VEPH1: variants seen among roughly 807,000 people sequenced by gnomAD.
The protein encoded by VEPH1 is ventricular zone expressed PH domain containing 1.
VEPH1 carries 80 observed loss-of-function variants against 85.2 expected under a neutral mutation model. That is an observed-to-expected ratio of 0.94 (90% confidence interval 0.78 to 1.13). VEPH1 has a LOEUF of 1.13. Ranked by LOEUF, VEPH1 falls within the 50% of genes most tolerant of loss-of-function variation. The probability of loss-of-function intolerance (pLI) is 0.00; values close to 1 mark genes in which losing one functional copy is unlikely to be tolerated. For missense variants in VEPH1, 955 were observed against 980.5 expected (o/e 0.97, Z 0.35); for synonymous variants, 297 against 348.0 (o/e 0.85, Z 1.63).
intron 12 of VEPH1, among the ~76,000 whole-genome samples, chr3:157,267,821 A>G (rs1184236935): frequency 6.6e-6 from 1 of 152,190 alleles, no homozygotes; most frequent in Non-Finnish European, 1.5e-5. Flanking sequence ...ATATTGTAAG[A>G]TAGTGATAAG....
At chr3:157,332,256 C>CA (rs1722577185) in intron 9 of VEPH1, among the ~76,000 whole-genome samples, 1 of 152,054 alleles carries the variant, frequency 6.6e-6, no homozygotes, top group African/African-American at 2.4e-5. Context: ...TAAAATTTAC[C>CA]ATTTTGACCA....
intron 4 of VEPH1, chr3:157,437,476 G>C: frequency 1.3e-6 from 2 of 1,575,634 alleles, no homozygotes; most frequent in Non-Finnish European, 1.7e-6. Flanking sequence ...AGGCAGGCCT[G>C]GGCGGGCTGC....
rs116012255 is a variant in VEPH1, at chr3:157,339,539, C to T, written c.1736-22338G>A. The stretch of plus-strand genomic sequence containing the variant: ...AAAGGTAGCTGAGGGCTCCACTGCT[C>T]TTATGATATTGACCCATTCACTGGG... On this transcript the variant is annotated intron_variant, in intron 9 of 13. Transcript: ENST00000362010. 3.7e-3 allele frequency among the ~76,000 whole-genome samples: 565 copies of T among 152,240 alleles called. 3 individuals are homozygous for T. Among genetic ancestry groups the T allele is most frequent in the African/African-American group, 0.013 (535 of 41,550 alleles).
intron 4 of VEPH1, among the ~76,000 whole-genome samples, chr3:157,454,064 CA>C (rs1306261419): frequency 3.3e-5 from 5 of 151,546 alleles, no homozygotes; most frequent in African/African-American, 1.2e-4. Context: ...AGGGGTAATT[CA>C]TTTTTTTTTC....
At chr3:157,274,203 G>A (rs1715089759) in intron 12 of VEPH1, among the ~76,000 whole-genome samples, 1 of 152,164 alleles carries the variant, frequency 6.6e-6, no homozygotes, top group African/African-American at 2.4e-5. Flanking sequence ...AGTTGACAGT[G>A]GCCTTGCTTA....
At chr3:157,371,462 G>A in intron 7 of VEPH1, among the ~76,000 whole-genome samples, 1 of 152,158 alleles carries the variant, frequency 6.6e-6, no homozygotes, top group Non-Finnish European at 1.5e-5. Context: ...AAAGTGCAAA[G>A]CCCCTGCTTT....
intron 12 of VEPH1, among the ~76,000 whole-genome samples, chr3:157,270,286 C>A (rs1448431656): frequency 1.3e-5 from 2 of 150,168 alleles, no homozygotes; most frequent in Admixed American, 1.3e-4. Context: ...AAAAAAAAAG[C>A]AAAACAAAAC....
intron 9 of VEPH1, among the ~76,000 whole-genome samples, chr3:157,324,293 G>A (rs904672327): frequency 3.9e-5 from 6 of 152,002 alleles, no homozygotes; most frequent in African/African-American, 1.4e-4. Context: ...CCTGACCTCA[G>A]GTGATCCGCC....
intron 8 of VEPH1, among the ~76,000 whole-genome samples, 174 bp downstream of exon 8, chr3:157,364,129 G>A (rs185365621): frequency 5.5e-4 from 84 of 152,248 alleles, no homozygotes; most frequent in African/African-American, 1.9e-3. Flanking sequence ...ATTTAAAATA[G>A]TGAGTTTCTT....
At chr3:157,395,965 G>A (rs1425101254) in intron 6 of VEPH1, among the ~76,000 whole-genome samples, 1 of 152,098 alleles carries the variant, frequency 6.6e-6, no homozygotes, top group Non-Finnish European at 1.5e-5. Context: ...GGATACATGT[G>A]CAGGATGTGC....
rs769947844 is a variant in VEPH1 at position 157,286,604 on chromosome 3, G to A, written c.2081C>T (p.Ala694Val). The change falls in exon 12 of 14, where the codon GCA (alanine) becomes GTA (valine). Residue 694 changes from alanine to valine, a missense_variant. Coordinates refer to ENST00000362010, the MANE Select transcript of VEPH1 (RefSeq NM_001167912.2). The part of the protein sequence containing the change: ...FFDVFGFSET[A>V]GAWQCFMCNN... Reference sequence around the variant, plus strand: ...GCACATGAAGCATTGCCATGCTCCTGCTGTTTCACTGAAGCCAAACACGTC... The same window carrying A: ...GCACATGAAGCATTGCCATGCTCCTACTGTTTCACTGAAGCCAAACACGTC... 6.2e-7 allele frequency: 1 copy of A among 1,613,974 alleles called. No homozygotes were observed. The highest frequency in any genetic ancestry group is 8.5e-7 in the Non-Finnish European group (1 of 1,179,970).
At chr3:157,492,062 T>C (rs965499692) in intron 2 of VEPH1, among the ~76,000 whole-genome samples, 2 of 152,100 alleles carry the variant, frequency 1.3e-5, no homozygotes, top group African/African-American at 4.8e-5. Flanking sequence ...AAGATTGTCC[T>C]TTGAGGATTA....
At chr3:157,431,346 A>T (rs886848107) in intron 4 of VEPH1, among the ~76,000 whole-genome samples, 3 of 152,118 alleles carry the variant, frequency 2.0e-5, no homozygotes, top group African/African-American at 7.2e-5. Context: ...AAACAGACAG[A>T]TACATCCAGC....
intron 12 of VEPH1, among the ~76,000 whole-genome samples, chr3:157,285,809 G>A (rs774511170): frequency 2.0e-5 from 3 of 152,238 alleles, no homozygotes; most frequent in Non-Finnish European, 2.9e-5. Flanking sequence ...GGGTTCTAGA[G>A]TCAGGCTGCG....
intron 9 of VEPH1, among the ~76,000 whole-genome samples, chr3:157,353,347 A>C (rs1335123767): frequency 1.3e-5 from 2 of 152,000 alleles, no homozygotes; most frequent in African/African-American, 2.4e-5. Flanking sequence ...ATCTTGGCTC[A>C]ACCTCCACCT....
intron 12 of VEPH1, among the ~76,000 whole-genome samples, chr3:157,266,241 A>G (rs1713624740): frequency 6.6e-6 from 1 of 151,766 alleles, no homozygotes; most frequent in Non-Finnish European, 1.5e-5. Context: ...AACACCAAGC[A>G]GCAAAGGCAA....
chr3:157,373,542 A>G (rs779460786), intron 7 of VEPH1, among the ~76,000 whole-genome samples: 3 of 152,200 alleles, frequency 2.0e-5, no homozygotes, highest in Non-Finnish European at 4.4e-5. Flanking sequence ...AATAGGGAGC[A>G]TTTGGGGAAC....
chr3:157,465,347 A>C (rs16827688), intron 3 of VEPH1, among the ~76,000 whole-genome samples: 26,211 of 152,252 alleles, frequency 0.17, 2,888 homozygotes, highest in East Asian at 0.38. Context: ...CTTGTTAGAA[A>C]GCATCCAGTG....
chr3:157,498,519 C>A (rs541616109), intron 1 of VEPH1, among the ~76,000 whole-genome samples: 1 of 152,214 alleles, frequency 6.6e-6, no homozygotes, highest in East Asian at 1.9e-4. Context: ...AAGTAACCAC[C>A]AGCAGAGGCA....
Sources: gnomAD v4.1 joint callset for allele counts (sites outside exome capture counted in the v4.1 genomes callset) on GRCh38, gnomAD v4.1.1 for gene constraint, MANE v1.5 for transcripts, NCBI Gene and HGNC (gene_info 2026-07-23, HGNC 2026-07-21) for gene names.